LRRC39: variants seen among roughly 807,000 people sequenced by gnomAD.
The protein encoded by LRRC39 is leucine-rich repeat-containing protein 39.
A neutral mutation model predicts 39.7 loss-of-function variants in LRRC39; 35 were observed. The observed-to-expected ratio is 0.88, with a 90% CI of 0.67 to 1.17. The LOEUF (loss-of-function observed/expected upper bound fraction) is 1.17. Ranked by LOEUF, LRRC39 falls within the 50% of genes most tolerant of loss-of-function variation. The pLI is 0.00. For synonymous variants in LRRC39, 113 were observed against 134.1 expected (o/e 0.84, Z 1.09); for missense variants, 357 against 385.8 (o/e 0.93, Z 0.62).
chr1:100,177,557 C>T (rs142541138), intron 1 of LRRC39, among the ~76,000 whole-genome samples: 5 of 152,330 alleles, frequency 3.3e-5, no homozygotes, highest in African/African-American at 1.2e-4. Context: ...GGTAATCCAA[C>T]TTCCTGAGCA....
chr1:100,158,247 C>G lies in LRRC39; in HGVS notation c.497G>C (p.Cys166Ser). ...KLELAVNRDI[C>S]DLPQELSNLL... Reference sequence around the variant, plus strand: ...CTTTCTAACCTCTTGTGGAAGATCACATATATCTCTGTTAACAGCCAGTTC... The same window carrying G: ...CTTTCTAACCTCTTGTGGAAGATCAGATATATCTCTGTTAACAGCCAGTTC... Residue 166 changes from cysteine to serine, a missense_variant, in exon 6 of 10, where the codon TGT becomes TCT. Cys to Ser is a moderately radical substitution (Grantham distance 112). Transcript: ENST00000370137. 1 of 1,613,918 alleles carries G rather than the reference C, an allele frequency of 6.2e-7. No homozygotes were observed. The highest frequency in any genetic ancestry group is 8.5e-7 in the Non-Finnish European group (1 of 1,179,910).
At chr1:100,153,061 C>G (rs1658172542) in intron 8 of LRRC39, among the ~76,000 whole-genome samples, 1 of 152,120 alleles carries the variant, frequency 6.6e-6, no homozygotes, top group African/African-American at 2.4e-5. Flanking sequence ...AGCTTAACTT[C>G]TAAGAGCAAT....
At position 100,165,405 on chromosome 1, in the gene LRRC39, G is replaced by T. The variant is rs186504414; in HGVS notation, c.113+2999C>A. On this transcript the variant is annotated intron_variant, in intron 3 of 9. Coordinates refer to ENST00000370137, the MANE Select transcript of LRRC39 (RefSeq NM_144620.4). ...TAAGTGATTCTTAATTAATGACAAA[G>T]ATCCCTTTTATCAAAACTTTAGCCA... 4.6e-5 allele frequency among the ~76,000 whole-genome samples: 7 copies of T among 152,204 alleles called. No individual in the cohort carries two copies. In the East Asian group the frequency reaches 1.2e-3, roughly 25 times the overall value.
chr1:100,178,746 ATAAAC>A (rs1204942554), upstream of LRRC39, among the ~76,000 whole-genome samples: 1 of 152,220 alleles, frequency 6.6e-6, no homozygotes, highest in Non-Finnish European at 1.5e-5. Context: ...TTCTTAAAAA[ATAAAC>A]TATATCTTTT....
At chr1:100,168,291 G>C in intron 3 of LRRC39, 113 bp downstream of exon 3, 1 of 814,368 alleles carries the variant, frequency 1.2e-6, no homozygotes, top group Non-Finnish European at 1.9e-6. Flanking sequence ...TGAGTTTTCA[G>C]TAAATAAAAT....
chr1:100,152,631 T>C, intron 8 of LRRC39, 107 bp from the exon 9 acceptor site: 1 of 1,201,334 alleles, frequency 8.3e-7, no homozygotes, highest in Non-Finnish European at 1.2e-6. Context: ...CGTTTTTAAC[T>C]GGTTTCAATA....
rs780084012 is a variant in LRRC39 at position 100,160,548 on chromosome 1, C to T, written c.137G>A (p.Arg46Gln). 3 of 1,613,420 alleles carry T rather than the reference C, an allele frequency of 1.9e-6. No individual in the cohort carries two copies. Among genetic ancestry groups the T allele is most frequent in the Admixed American group, 1.7e-5 (1 of 59,948 alleles). Residue 46 changes from arginine (R) to glutamine (Q), a missense_variant, in exon 4 of 10, where the codon CGA (arginine) becomes CAA (glutamine). Coordinates refer to ENST00000370137, the MANE Select transcript of LRRC39 (RefSeq NM_144620.4). ...TTCTCTTAGCTTGGTTAAGCTTACT[C>T]GTTCTTCCCAGATCCGCACTAGCCT... ...QHKLVRIWEERVSLTKLREKV... is the reference protein window; with the variant it reads ...QHKLVRIWEEQVSLTKLREKV...
intron 3 of LRRC39, among the ~76,000 whole-genome samples, chr1:100,163,364 C>T (rs932861973): frequency 2.6e-5 from 4 of 152,070 alleles, no homozygotes; most frequent in Non-Finnish European, 5.9e-5. Flanking sequence ...ACTGAGTTCA[C>T]GGTCAGGCTA....
intron 1 of LRRC39, among the ~76,000 whole-genome samples, chr1:100,176,669 C>T (rs1279027990): frequency 6.6e-6 from 1 of 152,026 alleles, no homozygotes; most frequent in Admixed American, 6.6e-5. Context: ...TATTGAAGTG[C>T]AGGAAAGGAG....
At position 100,155,131 on chromosome 1, in the gene LRRC39, C is replaced by T. The variant is rs778710592; in HGVS notation, c.732G>A (p.Met244Ile). The T allele has an allele frequency of 6.2e-7, 1 of 1,609,964 alleles. No homozygotes were observed. Among genetic ancestry groups the T allele is most frequent in the Non-Finnish European group, 8.5e-7 (1 of 1,178,276 alleles). The change falls in exon 8 of 10, where the codon ATG becomes ATA. Residue 244 changes from methionine (M) to isoleucine (I), a missense_variant. Physicochemically the swap from Met to Ile is conservative, Grantham distance 10. Coordinates refer to ENST00000370137, the MANE Select transcript of LRRC39 (RefSeq NM_144620.4). ...TGAGAACAAGAGTACCCAGATTTTT[C>T]ATATTGCTGATTGTTTGAGGCAAGC... Reference protein sequence around the residue: ...ITCLPQTISNMKNLGTLVLSN... With the variant: ...ITCLPQTISNIKNLGTLVLSN...
In LRRC39 at chr1:100,155,212, T is replaced by C. The variant is rs1283001039; in HGVS notation, c.660-9A>G. 1.3e-6 allele frequency: 2 copies of C among 1,571,264 alleles called. No individual in the cohort carries two copies. The highest frequency in any genetic ancestry group is 2.8e-5 in the African/African-American group (2 of 72,170). ...TATGTAGATTTTGCATTCTGAAAAA[T>C]TAAGGTTTCTACAATTAATTACATA... On this transcript the variant is annotated splice_polypyrimidine_tract_variant and intron_variant, in intron 7 of 9. Coordinates refer to ENST00000370137, the MANE Select transcript of LRRC39 (RefSeq NM_144620.4).
Position 100,152,386 on chromosome 1 carries a change from T to C in LRRC39, c.951A>G (p.Ala317=). 1.2e-6 allele frequency: 2 copies of C among 1,613,578 alleles called. No homozygotes were observed. The highest frequency in any genetic ancestry group is 1.7e-6 in the Non-Finnish European group (2 of 1,179,774). ...CTGTGTTATATACAAATCTTATACC[T>C]GCTCTTCTCCGTGACTCTTGTATGT... The part of the protein sequence containing the change: ...HTYIQESRRR[A]DHQVNGSTTL... Residue 317 remains alanine, a splice_region_variant and synonymous_variant, in exon 9 of 10, where the codon GCA becomes GCG. Coordinates refer to ENST00000370137, the MANE Select transcript of LRRC39 (RefSeq NM_144620.4).
chr1:100,166,679 CAG>C (rs1467265532), intron 3 of LRRC39, among the ~76,000 whole-genome samples: 5 of 152,120 alleles, frequency 3.3e-5, no homozygotes, highest in South Asian at 2.1e-4. Flanking sequence ...AAAAGGGAAA[CAG>C]AGCATAAAAA....
chr1:100,161,387 G>C (rs1043858264), intron 3 of LRRC39, among the ~76,000 whole-genome samples: 5 of 151,876 alleles, frequency 3.3e-5, no homozygotes, highest in South Asian at 2.1e-4. Flanking sequence ...ACTTAGCATC[G>C]TTTTTTTCAA....
At chr1:100,153,388 C>T (rs1358033920) in intron 8 of LRRC39, among the ~76,000 whole-genome samples, 3 of 151,958 alleles carry the variant, frequency 2.0e-5, no homozygotes, top group African/African-American at 7.3e-5. Context: ...TGGACATTGG[C>T]CTAGGCAAAG....
intron 7 of LRRC39, among the ~76,000 whole-genome samples, chr1:100,155,753 A>G (rs1279588812): frequency 6.6e-6 from 1 of 152,226 alleles, no homozygotes; most frequent in Non-Finnish European, 1.5e-5. Flanking sequence ...TTCAAATCCT[A>G]GCTTGCCCAC....
At chr1:100,173,037 A>C (rs572955349) in intron 2 of LRRC39, among the ~76,000 whole-genome samples, 93 of 151,220 alleles carry the variant, frequency 6.1e-4, no homozygotes, top group Non-Finnish European at 8.1e-4. Context: ...CACAGCGAGA[A>C]TCTGTCTCCA....
rs148728173 is a variant in LRRC39 at position 100,166,621 on chromosome 1, C to T, written c.113+1783G>A. Among the ~76,000 whole-genome samples the T allele has an allele frequency of 8.2e-3, 1,254 of 152,136 alleles. 12 individuals carry two copies. The highest frequency in any genetic ancestry group is 0.013 in the Non-Finnish European group (892 of 67,992). On this transcript the variant is annotated intron_variant, in intron 3 of 9. Coordinates refer to ENST00000370137, the MANE Select transcript of LRRC39 (RefSeq NM_144620.4). ...TCTGAGGGAAGACATTTCTAAGCAG[C>T]GAAGCATTCAAGAGGTGACTTGGGT... is the stretch of plus-strand genomic sequence containing the variant.
At chr1:100,178,669 G>C (rs546649965), upstream of LRRC39, among the ~76,000 whole-genome samples, 3 of 152,270 alleles carry the variant, frequency 2.0e-5, no homozygotes, top group African/African-American at 7.2e-5. Flanking sequence ...TGCTGTACCT[G>C]GGCTTCAAAT....
Sources: gnomAD v4.1 joint callset for allele counts (sites outside exome capture counted in the v4.1 genomes callset) on GRCh38, gnomAD v4.1.1 for gene constraint, MANE v1.5 for transcripts, NCBI Gene and HGNC (gene_info 2026-07-23, HGNC 2026-07-21) for gene names.